DIAPH3: variants seen among roughly 807,000 people sequenced by gnomAD.
DIAPH3 encodes protein diaphanous homolog 3.
DIAPH3 carries 117 observed loss-of-function variants against 144.3 expected under a neutral mutation model. The observed-to-expected ratio is 0.81, with a 90% CI of 0.70 to 0.95. The LOEUF is 0.95. DIAPH3 is among the 40% of genes least tolerant of loss of function. DIAPH3 has a pLI of 0.00. For synonymous variants in DIAPH3, 519 were observed against 488.9 expected (o/e 1.06, Z -0.81); for missense variants, 1,421 against 1,412.7 (o/e 1.01, Z -0.09).
chr13:59,750,402 T>C (rs1314593891), intron 27 of DIAPH3, among the ~76,000 whole-genome samples: 1 of 152,228 alleles, frequency 6.6e-6, no homozygotes, highest in Non-Finnish European at 1.5e-5. Context: ...TTTTCATCTC[T>C]AAATACCTAC....
At chr13:59,828,711 C>G (rs548817234) in intron 24 of DIAPH3, among the ~76,000 whole-genome samples, 1 of 149,964 alleles carries the variant, frequency 6.7e-6, no homozygotes, top group Non-Finnish European at 1.5e-5. Context: ...TAAGAAGTAA[C>G]TTCAAACCAT....
chr13:59,723,922 T>C (rs528821306), intron 27 of DIAPH3, among the ~76,000 whole-genome samples: 25 of 145,158 alleles, frequency 1.7e-4, no homozygotes, highest in Admixed American at 1.5e-3. Flanking sequence ...CAGAAAATGA[T>C]AGTCTATCTA....
At chr13:60,131,763 A>G (rs2059148987) in intron 2 of DIAPH3, among the ~76,000 whole-genome samples, 1 of 152,258 alleles carries the variant, frequency 6.6e-6, no homozygotes, top group African/African-American at 2.4e-5. Flanking sequence ...TGTTACAAAT[A>G]TATCATTGTA....
chr13:59,789,186 GA>G (rs1425440918), intron 25 of DIAPH3, among the ~76,000 whole-genome samples: 2 of 152,204 alleles, frequency 1.3e-5, no homozygotes, highest in East Asian at 3.9e-4. Context: ...AAGTGATAAT[GA>G]CATTTAACAA....
intron 5 of DIAPH3, among the ~76,000 whole-genome samples, chr13:60,027,284 T>A (rs2054442056): frequency 1.3e-5 from 2 of 152,226 alleles, no homozygotes; most frequent in Non-Finnish European, 2.9e-5. Flanking sequence ...AGGCTGGGAA[T>A]TCAGGAACTA....
chr13:60,090,187 T>C (rs951218832), intron 4 of DIAPH3, among the ~76,000 whole-genome samples: 1 of 152,180 alleles, frequency 6.6e-6, no homozygotes, highest in Non-Finnish European at 1.5e-5. Context: ...CGGACAAACC[T>C]GGATCACGTT....
intron 5 of DIAPH3, among the ~76,000 whole-genome samples, chr13:60,028,442 T>C (rs556039997): frequency 1.3e-5 from 2 of 152,190 alleles, no homozygotes; most frequent in South Asian, 4.2e-4. Flanking sequence ...GAAACACTCT[T>C]CCTTTAGGTC....
chr13:59,793,894 T>C (rs1191643004), intron 25 of DIAPH3, among the ~76,000 whole-genome samples: 1 of 152,204 alleles, frequency 6.6e-6, no homozygotes, highest in Non-Finnish European at 1.5e-5. Context: ...TCCTACTCAC[T>C]AGACATGGTA....
At chr13:60,011,821 A>C (rs1283482664) in intron 7 of DIAPH3, among the ~76,000 whole-genome samples, 2 of 152,218 alleles carry the variant, frequency 1.3e-5, no homozygotes, top group Non-Finnish European at 2.9e-5. Flanking sequence ...TTGTAAACTC[A>C]TTCTATAAAT....
intron 5 of DIAPH3, among the ~76,000 whole-genome samples, chr13:60,026,726 GTCTC>G (rs1010101775): frequency 1.6e-4 from 24 of 151,456 alleles, no homozygotes; most frequent in Non-Finnish European, 3.1e-4. Context: ...TAGACAAAGT[GTCTC>G]TCTCTCTCTC....
chr13:59,689,293 C>G (rs1057219335), intron 27 of DIAPH3, among the ~76,000 whole-genome samples: 1 of 151,882 alleles, frequency 6.6e-6, no homozygotes, highest in Admixed American at 6.6e-5. Flanking sequence ...AGGAGTACGG[C>G]GGCCTCCTGC....
intron 27 of DIAPH3, among the ~76,000 whole-genome samples, chr13:59,672,070 A>T (rs1463511844): frequency 6.6e-6 from 1 of 152,236 alleles, no homozygotes; most frequent in Non-Finnish European, 1.5e-5. Context: ...TATATATGTG[A>T]ATATATGCAA....
intron 25 of DIAPH3, among the ~76,000 whole-genome samples, chr13:59,806,706 T>C (rs1425553693): frequency 2.6e-5 from 4 of 151,930 alleles, no homozygotes; most frequent in Non-Finnish European, 1.5e-5. Flanking sequence ...TTTATCACTG[T>C]AATCTCAACA....
At chr13:59,955,933 T>G (rs964665674) in intron 17 of DIAPH3, among the ~76,000 whole-genome samples, 1 of 152,146 alleles carries the variant, frequency 6.6e-6, no homozygotes, top group Non-Finnish European at 1.5e-5. Context: ...CTGTGGAACT[T>G]TGAAAATGAG....
chr13:59,932,025 T>C (rs2048045610), intron 17 of DIAPH3, among the ~76,000 whole-genome samples: 1 of 152,090 alleles, frequency 6.6e-6, no homozygotes. Context: ...TTAAAACTTG[T>C]TTCTGGTCTT....
chr13:59,709,896 C>T (rs2034638918), intron 27 of DIAPH3, among the ~76,000 whole-genome samples: 2 of 151,978 alleles, frequency 1.3e-5, no homozygotes, highest in South Asian at 4.2e-4. Flanking sequence ...ACATATACAC[C>T]ATGGAATACT....
intron 5 of DIAPH3, among the ~76,000 whole-genome samples, chr13:60,037,789 C>T (rs1006640626): frequency 3.3e-5 from 5 of 151,836 alleles, no homozygotes; most frequent in African/African-American, 1.2e-4. Context: ...AAAGTTAAAA[C>T]TACCAGATAA....
At chr13:59,846,200 T>A (rs1342229645) in intron 22 of DIAPH3, among the ~76,000 whole-genome samples, 2 of 151,692 alleles carry the variant, frequency 1.3e-5, no homozygotes, top group Non-Finnish European at 2.9e-5. Context: ...AGATTAAGAT[T>A]TCAAGTAAGA....
chr13:59,717,416 G>A (rs1313926816), intron 27 of DIAPH3, among the ~76,000 whole-genome samples: 1 of 152,102 alleles, frequency 6.6e-6, no homozygotes, highest in African/African-American at 2.4e-5. Context: ...CATGGTGGCA[G>A]GAACTTCTGG....
Sources: allele counts gnomAD v4.1 joint callset (sites outside exome capture counted in the v4.1 genomes callset), GRCh38; gene constraint gnomAD v4.1.1; transcripts MANE v1.5; gene names NCBI Gene and HGNC (gene_info 2026-07-23, HGNC 2026-07-21).